GLB1L2: variants seen among roughly 807,000 people sequenced by gnomAD.
GLB1L2 encodes galactosidase beta 1 like 2.
A neutral mutation model predicts 84.1 loss-of-function variants in GLB1L2; 68 were observed. The observed-to-expected ratio is 0.81, with a 90% CI of 0.67 to 0.99. The LOEUF (loss-of-function observed/expected upper bound fraction) is 0.99. GLB1L2 is among the 50% of genes least tolerant of loss of function. GLB1L2 has a pLI of 0.00. For missense variants in GLB1L2, 762 were observed against 805.6 expected (o/e 0.95, Z 0.66); for synonymous variants, 290 against 318.0 (o/e 0.91, Z 0.94).
intron 15 of GLB1L2, among the ~76,000 whole-genome samples, chr11:134,372,884 CTG>C (rs1858521416): frequency 1.3e-5 from 2 of 152,310 alleles, no homozygotes; most frequent in East Asian, 3.9e-4. Flanking sequence ...AGCTCCCTCT[CTG>C]GGCCTGTCCT....
At chr11:134,369,722 C>T in intron 10 of GLB1L2, 83 bp from the exon 11 acceptor site, 1 of 1,253,168 alleles carries the variant, frequency 8.0e-7, no homozygotes, top group Non-Finnish European at 1.1e-6. Context: ...ACCTGTGGCC[C>T]TTCCAAGCTT....
At position 134,368,636 on chromosome 11, in the gene GLB1L2, T is replaced by C. The variant is rs527376380; in HGVS notation, c.890-8T>C. Reference sequence around the variant, plus strand: ...CTCTGCACATCCCCTTTCTCCCTCCTCCGGCAGAGGTTTTGAAAACCGTGT... The same window carrying C: ...CTCTGCACATCCCCTTTCTCCCTCCCCCGGCAGAGGTTTTGAAAACCGTGT... On this transcript the variant is annotated splice_polypyrimidine_tract_variant and splice_region_variant and intron_variant, in intron 9 of 18. Coordinates refer to ENST00000535456, the MANE Select transcript of GLB1L2 (RefSeq NM_001370461.1). 2.5e-6 allele frequency: 4 copies of C among 1,613,338 alleles called. No homozygotes were observed. Among genetic ancestry groups the C allele is most frequent in the Non-Finnish European group, 3.4e-6 (4 of 1,179,886 alleles).
intron 5 of GLB1L2, among the ~76,000 whole-genome samples, chr11:134,350,259 C>A (rs1033856458): frequency 6.6e-6 from 1 of 152,276 alleles, no homozygotes; most frequent in East Asian, 1.9e-4. Flanking sequence ...AGCACTTCAG[C>A]CCATGGTGGT....
At chr11:134,369,588 T>TATAGGTGTGA (rs1398694747) in intron 10 of GLB1L2, among the ~76,000 whole-genome samples, 1 of 152,228 alleles carries the variant, frequency 6.6e-6, no homozygotes, top group South Asian at 2.1e-4. Flanking sequence ...GTGCTGGGAT[T>TATAGGTGTGA]GCAGGTGTGA....
intron 17 of GLB1L2, 54 bp from the exon 18 acceptor site, chr11:134,374,548 C>T: frequency 7.2e-7 from 1 of 1,385,452 alleles, no homozygotes; most frequent in South Asian, 1.2e-5. Context: ...ATGTCTCCCT[C>T]CACTTTTGCT....
chr11:134,355,937 G>T, intron 5 of GLB1L2: 1 of 457,542 alleles, frequency 2.2e-6, no homozygotes, highest in Non-Finnish European at 4.3e-6. Flanking sequence ...GAGTTGGGAC[G>T]CATCCTCCTG....
At chr11:134,372,131 G>C (rs1048164742) in intron 15 of GLB1L2, among the ~76,000 whole-genome samples, 12 of 152,210 alleles carry the variant, frequency 7.9e-5, no homozygotes, top group East Asian at 1.9e-4. Flanking sequence ...GTCTGCTTGG[G>C]GGGGCGGCAG....
intron 10 of GLB1L2, among the ~76,000 whole-genome samples, 183 bp from the exon 11 acceptor site, chr11:134,369,622 C>T (rs574643501): frequency 1.2e-4 from 18 of 145,514 alleles, no homozygotes; most frequent in Admixed American, 4.2e-4. Flanking sequence ...GCCTTATGGA[C>T]GCTTGTTGTA....
intron 7 of GLB1L2, among the ~76,000 whole-genome samples, chr11:134,361,921 C>T (rs994999237): frequency 3.3e-5 from 5 of 152,186 alleles, no homozygotes; most frequent in African/African-American, 7.2e-5. Flanking sequence ...TCCTCGCCCC[C>T]GGCCAAGTTC....
At chr11:134,353,139 T>G (rs1027821644) in intron 5 of GLB1L2, among the ~76,000 whole-genome samples, 3 of 152,138 alleles carry the variant, frequency 2.0e-5, no homozygotes, top group Admixed American at 1.3e-4. Context: ...CTGGGTGTGG[T>G]GGCTCATGCC....
rs148929536 is a variant in GLB1L2, at chr11:134,368,676, G to A, written c.922G>A (p.Ala308Thr). ...GAAAACCGTGTCTGCCATTGTGGAC[G>A]CCGGCTCCTCCATCAACCTCTACAT... ...VLKTVSAIVD[A>T]GSSINLYMFH... Residue 308 changes from alanine to threonine, a missense_variant, in exon 10 of 19, where the codon GCC becomes ACC. Ala to Thr is a moderately conservative substitution (Grantham distance 58, BLOSUM62 0). This residue lies in a region of GLB1L2 where 603 missense variants were observed against 611.7 expected (regional missense o/e 0.99). Coordinates refer to ENST00000535456, the MANE Select transcript of GLB1L2 (RefSeq NM_001370461.1). The A allele has an allele frequency of 8.7e-5, 140 of 1,613,880 alleles. No individual in the cohort carries two copies. The African/African-American group carries it at 1.4e-3, about 17-fold the overall frequency.
At chr11:134,332,290 A>C in intron 1 of GLB1L2, 143 bp downstream of exon 1, 4 of 552,280 alleles carry the variant, frequency 7.2e-6, no homozygotes, top group Non-Finnish European at 1.3e-5. Flanking sequence ...GCTCCCCAAT[A>C]CCCCCGAGTT....
chr11:134,373,628 C>A, intron 15 of GLB1L2, 93 bp from the exon 16 acceptor site: 1 of 794,440 alleles, frequency 1.3e-6, no homozygotes, highest in Non-Finnish European at 2.2e-6. Context: ...GCACCCCTCA[C>A]CCCAGCTTCC....
chr11:134,356,120 T>A, intron 5 of GLB1L2, 181 bp from the exon 6 acceptor site: 2 of 710,112 alleles, frequency 2.8e-6, no homozygotes, highest in Non-Finnish European at 5.1e-6. Flanking sequence ...AGTTGTTTTC[T>A]TGATGTTTTC....
chr11:134,339,273 TACTC>T lies in GLB1L2; in HGVS notation c.87-3479_87-3476del, dbSNP rs143753292. On this transcript the variant is annotated intron_variant, in intron 1 of 18. Transcript: ENST00000535456. The surrounding 1 kb of genome is among the most constrained non-coding windows in gnomAD (Gnocchi z 5.7). Reference sequence around the variant, plus strand: ...TTCCTTTATTTTATTATTACTGAGTTACTCAGGAAATTATGGGGTTATTCTCCGT... The same window carrying T: ...TTCCTTTATTTTATTATTACTGAGTTAGGAAATTATGGGGTTATTCTCCGT... Among the ~76,000 whole-genome samples, 883 of 152,318 alleles carry T rather than the reference TACTC, an allele frequency of 5.8e-3. 8 individuals carry two copies. Among genetic ancestry groups the T allele is most frequent in the African/African-American group, 0.02 (826 of 41,580 alleles).
rs116879936 is a variant in GLB1L2 at position 134,334,822 on chromosome 11, G to A, written c.86+2675G>A. ...TATTATTTTGAGGTCTGCGATGCAC[G>A]TATCAGTGCGAACCGTGCCTTTGAG... On this transcript the variant is annotated intron_variant, in intron 1 of 18. Coordinates refer to ENST00000535456, the MANE Select transcript of GLB1L2 (RefSeq NM_001370461.1). This position sits in a 1 kb window ranked among gnomAD's most constrained non-coding sequence, Gnocchi z 4.1. Among the ~76,000 whole-genome samples, 129 of 152,272 alleles carry A rather than the reference G, an allele frequency of 8.5e-4. No homozygotes were observed. The highest frequency in any genetic ancestry group is 1.5e-3 in the Admixed American group (23 of 15,296).
At chr11:134,343,754 C>A (rs999121730) in intron 2 of GLB1L2, among the ~76,000 whole-genome samples, 1 of 152,194 alleles carries the variant, frequency 6.6e-6, no homozygotes, top group Non-Finnish European at 1.5e-5. Context: ...GCAGCACCGA[C>A]GACACTTGCT....
At chr11:134,368,884 C>A in intron 10 of GLB1L2, 103 bp downstream of exon 10, 1 of 1,234,328 alleles carries the variant, frequency 8.1e-7, no homozygotes, top group South Asian at 1.4e-5. Flanking sequence ...ACCTTCGTGT[C>A]TTTGGCAATA....
intron 5 of GLB1L2, among the ~76,000 whole-genome samples, chr11:134,349,173 T>C (rs1222232614): frequency 3.3e-5 from 5 of 152,348 alleles, no homozygotes; most frequent in African/African-American, 1.2e-4. Context: ...TTGATCATTT[T>C]AGCTACCAAA....
Sources: allele counts gnomAD v4.1 joint callset (sites outside exome capture counted in the v4.1 genomes callset), GRCh38; gene constraint gnomAD v4.1.1; regional missense constraint gnomAD v4.1.1; non-coding constraint Gnocchi (gnomAD v3.1); transcripts MANE v1.5; gene names NCBI Gene and HGNC (gene_info 2026-07-23, HGNC 2026-07-21).